Variants in TRRAP observed in about 807,000 individuals in gnomAD.
TRRAP encodes the protein transformation/transcription domain associated protein.
TRRAP carries 41 observed loss-of-function variants against 438.8 expected under a neutral mutation model. The ratio of observed to expected loss-of-function variants is 0.09; its 90% confidence interval spans 0.07 to 0.12. The LOEUF is 0.12. TRRAP is among the 10% of genes least tolerant of loss of function. TRRAP has a pLI of 1.00. For synonymous variants in TRRAP, 1,994 were observed against 1,962.9 expected, an observed-to-expected ratio of 1.02 and a Z score of -0.42; for missense variants, 3,122 against 5,055.1, an observed-to-expected ratio of 0.62 and a Z score of 11.60.
chr7:98,962,155 G>C, intron 46 of TRRAP, 147 bp from the exon 47 acceptor site: 1 of 1,182,940 alleles, frequency 8.5e-7, no homozygotes, highest in Non-Finnish European at 1.2e-6. Flanking sequence ...AACCAGCCCA[G>C]AGGTGAGGCC....
At chr7:98,905,019 A>G (rs1190909696) in intron 12 of TRRAP, among the ~76,000 whole-genome samples, 2 of 152,126 alleles carry the variant, frequency 1.3e-5, no homozygotes, top group African/African-American at 2.4e-5. Context: ...GCATTTTCCT[A>G]GAGATTCTGG....
intron 6 of TRRAP, among the ~76,000 whole-genome samples, chr7:98,894,610 CTT>C (rs1796114474): frequency 8.6e-6 from 1 of 115,876 alleles, no homozygotes; most frequent in African/African-American, 2.6e-5. Flanking sequence ...TTTCCTTTCT[CTT>C]TTCTTTTGTT....
At chr7:98,926,828 C>T (rs1790069975) in intron 22 of TRRAP, among the ~76,000 whole-genome samples, 1 of 151,502 alleles carries the variant, frequency 6.6e-6, no homozygotes, top group Non-Finnish European at 1.5e-5. Context: ...CCAGCCTGGC[C>T]AATATGGTGA....
chr7:99,013,041 C>T lies in TRRAP; in HGVS notation c.*686C>T, dbSNP rs1794491360. On this transcript the variant is annotated 3_prime_UTR_variant, in exon 73 of 73. Coordinates refer to ENST00000456197, the MANE Select transcript of TRRAP (RefSeq NM_001375524.1). ...TTTTTATTTCTGGCTCTTCGGATGT[C>T]TTCTAGACATTTACTATCACTGCAC... 6.6e-6 allele frequency: 1 copy of T among 152,218 alleles called. No individual in the cohort carries two copies. The highest frequency in any genetic ancestry group is 1.5e-5 in the Non-Finnish European group (1 of 68,028). The allele number at this position is 152,218 out of a possible 1,614,324, so 9.4% of individuals were successfully genotyped here.
At chr7:98,951,636 T>C (rs527573596) in intron 39 of TRRAP, among the ~76,000 whole-genome samples, 61 of 152,402 alleles carry the variant, frequency 4.0e-4, no homozygotes, top group Admixed American at 1.2e-3. Flanking sequence ...GTTGGAATGC[T>C]GAGTGATGGC....
Position 98,927,115 on chromosome 7 carries a change from C to T in TRRAP, c.2976-52C>T. ...ATTTGAAAAGAAGTCCTAGTGGAGT[C>T]ATCAGCTCAGGAGTTGGGTGTCGTG... On this transcript the variant is annotated intron_variant, in intron 22 of 72. Transcript: ENST00000456197. 1.9e-6 allele frequency: 3 copies of T among 1,595,298 alleles called. No homozygotes were observed. The South Asian group carries it at 3.3e-5, about 18-fold the overall frequency.
intron 21 of TRRAP, among the ~76,000 whole-genome samples, chr7:98,924,742 G>C (rs1401666612): frequency 7.0e-6 from 1 of 143,774 alleles, no homozygotes; most frequent in East Asian, 2.1e-4. Context: ...GGTGGCTCAT[G>C]CCTGTTATCC....
chr7:98,927,354 G>T lies in TRRAP; in HGVS notation c.3163G>T (p.Ala1055Ser). 1 of 1,614,184 alleles carries T rather than the reference G, an allele frequency of 6.2e-7. No individual in the cohort carries two copies. Among genetic ancestry groups the T allele is most frequent in the Non-Finnish European group, 8.5e-7 (1 of 1,180,034 alleles). Reference sequence around the variant, plus strand: ...CCGCCACTATACGATGGTGGCAGTCGCCCAGCAGTGTGGTGAGCACGGGGG... The same window carrying T: ...CCGCCACTATACGATGGTGGCAGTCTCCCAGCAGTGTGGTGAGCACGGGGG... ...LIRHYTMVAVAQQCGPFLLPC... is the reference protein window; with the variant it reads ...LIRHYTMVAVSQQCGPFLLPC... Residue 1055 changes from alanine to serine, a missense_variant, in exon 23 of 73, where the codon GCC (alanine) becomes TCC (serine). Ala to Ser is a moderately conservative substitution (Grantham distance 99). Coordinates refer to ENST00000456197, the MANE Select transcript of TRRAP (RefSeq NM_001375524.1).
At chr7:98,909,828 G>T (rs1253565704) in intron 14 of TRRAP, among the ~76,000 whole-genome samples, 2 of 152,166 alleles carry the variant, frequency 1.3e-5, no homozygotes, top group African/African-American at 4.8e-5. Context: ...GAGGTGCCCA[G>T]ATGTTACCAG....
In TRRAP at chr7:98,990,779, A is replaced by G. The variant is rs55731811; in HGVS notation, c.9756+160A>G. Among the ~76,000 whole-genome samples the G allele has an allele frequency of 0.11, 16,696 of 152,338 alleles. 1,011 individuals are homozygous for G. The highest frequency in any genetic ancestry group is 0.27 in the East Asian group (1,424 of 5,188). On this transcript the variant is annotated intron_variant, in intron 64 of 72. Transcript: ENST00000456197. ...ATGTAGATATTATTTAATATAAAGCATAATTAAAAGTTATTAAAGAATATA... is the reference window on the plus strand; with the variant it reads ...ATGTAGATATTATTTAATATAAAGCGTAATTAAAAGTTATTAAAGAATATA...
intron 4 of TRRAP, among the ~76,000 whole-genome samples, chr7:98,891,443 C>A (rs1224934068): frequency 2.6e-5 from 4 of 151,484 alleles, no homozygotes; most frequent in African/African-American, 9.7e-5. Context: ...TCAGGTGATC[C>A]GCCCACCTCG....
chr7:98,987,524 G>T (rs2116779356), intron 62 of TRRAP, among the ~76,000 whole-genome samples: 1 of 152,262 alleles, frequency 6.6e-6, no homozygotes, highest in South Asian at 2.1e-4. Flanking sequence ...AAATACCAGG[G>T]TTTTGTATAT....
At chr7:98,952,384 G>GA (rs1407908730) in intron 39 of TRRAP, among the ~76,000 whole-genome samples, 2 of 152,076 alleles carry the variant, frequency 1.3e-5, no homozygotes, top group Non-Finnish European at 2.9e-5. Flanking sequence ...AGTTGACCAG[G>GA]AAAAAACATC....
At chr7:98,968,024 CT>C (rs3216262) in intron 51 of TRRAP, among the ~76,000 whole-genome samples, 56,943 of 147,370 alleles carry the variant, frequency 0.39, 12,932 homozygotes, top group Non-Finnish European at 0.5. Context: ...TCCCATTGTT[CT>C]TTTTTTTTTT....
intron 68 of TRRAP, among the ~76,000 whole-genome samples, 170 bp from the exon 69 acceptor site, chr7:99,004,961 A>T (rs1794094430): frequency 1.3e-5 from 2 of 151,986 alleles, no homozygotes; most frequent in African/African-American, 4.8e-5. Flanking sequence ...AAATATTGTG[A>T]CTCATTTACA....
At chr7:98,917,319 G>A in intron 19 of TRRAP, 104 bp from the exon 20 acceptor site, 1 of 1,486,398 alleles carries the variant, frequency 6.7e-7, no homozygotes, top group Non-Finnish European at 9.1e-7. Context: ...CTGCAGTTGT[G>A]CTGATGTGCA....
At chr7:98,978,583 G>A (rs1365014018) in intron 57 of TRRAP, among the ~76,000 whole-genome samples, 186 bp from the exon 58 acceptor site, 1 of 152,210 alleles carries the variant, frequency 6.6e-6, no homozygotes, top group Non-Finnish European at 1.5e-5. Flanking sequence ...GTGGTTTGTG[G>A]TGTCCAGGGT....
chr7:99,008,372 C>T lies in TRRAP; in HGVS notation c.10754-5C>T. The T allele has an allele frequency of 6.2e-7, 1 of 1,613,638 alleles. No homozygotes were observed. The highest frequency in any genetic ancestry group is 1.3e-5 in the African/African-American group (1 of 75,068). ...CCTGCCCCGTTTCTCTTCCTCTCTCCCCAGTGCCCCGGGTTGTGGCAGTTT... is the reference window on the plus strand; with the variant it reads ...CCTGCCCCGTTTCTCTTCCTCTCTCTCCAGTGCCCCGGGTTGTGGCAGTTT... On this transcript the variant is annotated splice_polypyrimidine_tract_variant and splice_region_variant and intron_variant, in intron 69 of 72. Coordinates refer to ENST00000456197, the MANE Select transcript of TRRAP (RefSeq NM_001375524.1).
chr7:98,975,287 G>A (rs1004219188), intron 53 of TRRAP, among the ~76,000 whole-genome samples: 10 of 152,198 alleles, frequency 6.6e-5, no homozygotes, highest in Non-Finnish European at 1.2e-4. Context: ...CCTTGGGTTT[G>A]CTGCAGGACA....
Sources: gnomAD v4.1 joint callset for allele counts (sites outside exome capture counted in the v4.1 genomes callset) on GRCh38, gnomAD v4.1.1 for gene constraint, MANE v1.5 for transcripts, NCBI Gene and HGNC (gene_info 2026-07-23, HGNC 2026-07-21) for gene names.